Variants in AKAP9 observed in about 807,000 individuals in gnomAD.
AKAP9 encodes A-kinase anchoring protein 9.
Under a neutral mutation model 488.5 loss-of-function variants are expected in AKAP9, and 311 were observed. That is an observed-to-expected ratio of 0.64 (90% CI 0.58 to 0.70). AKAP9 has a LOEUF of 0.70. AKAP9 is among the 30% of genes least tolerant of loss of function. The probability of loss-of-function intolerance (pLI) is 0.00; values close to 1 mark genes in which losing one functional copy is unlikely to be tolerated. For missense variants in AKAP9, 4,215 were observed against 4,374.5 expected, an observed-to-expected ratio of 0.96 and a Z score of 1.03; for synonymous variants, 1,462 against 1,483.5, an observed-to-expected ratio of 0.99 and a Z score of 0.33.
intron 12 of AKAP9, among the ~76,000 whole-genome samples, chr7:92,020,986 G>C (rs1345490741): frequency 6.6e-6 from 1 of 152,068 alleles, no homozygotes; most frequent in African/African-American, 2.4e-5. Flanking sequence ...TGCTTTTAAA[G>C]TCTTCTGTTA....
chr7:92,031,898 A>G (rs1481827551), intron 16 of AKAP9, among the ~76,000 whole-genome samples: 3 of 152,236 alleles, frequency 2.0e-5, no homozygotes, highest in East Asian at 1.9e-4. Flanking sequence ...AAAAGTTGGG[A>G]AGAAGATAGG....
chr7:91,962,857 A>G (rs151135471), intron 1 of AKAP9, among the ~76,000 whole-genome samples: 1 of 152,054 alleles, frequency 6.6e-6, no homozygotes, highest in African/African-American at 2.4e-5. Flanking sequence ...GCAAAGTTTT[A>G]GTTTTTCTCA....
chr7:92,080,881 C>T (rs908579339), intron 31 of AKAP9, among the ~76,000 whole-genome samples: 1 of 152,122 alleles, frequency 6.6e-6, no homozygotes, highest in Non-Finnish European at 1.5e-5. Flanking sequence ...TCCTAAGATA[C>T]GTTTTCAGTT....
chr7:92,026,976 C>G (rs1245484991), intron 14 of AKAP9, among the ~76,000 whole-genome samples: 1 of 145,374 alleles, frequency 6.9e-6, no homozygotes, highest in East Asian at 2.1e-4. Flanking sequence ...CGCCTCTGCC[C>G]GGCCGCCCAT....
At position 92,084,666 on chromosome 7, in the gene AKAP9, T is replaced by C; in HGVS notation, c.8673T>C (p.His2891=). 6.2e-7 allele frequency: 1 copy of C among 1,610,680 alleles called. No individual in the cohort carries two copies. Among genetic ancestry groups the C allele is most frequent in the Non-Finnish European group, 8.5e-7 (1 of 1,177,146 alleles). ...KEGSSIPELA[H]SDAYQTREIC... ...GATCCTCAATTCCTGAGCTAGCACA[T>C]TCTGATGCTTACCAGACTAGAGAAA... Residue 2891 remains histidine (H), a synonymous_variant, in exon 34 of 50, where the codon CAT becomes CAC. Transcript: ENST00000356239.
intron 1 of AKAP9, among the ~76,000 whole-genome samples, chr7:91,949,146 A>G (rs966200715): frequency 2.6e-5 from 4 of 151,704 alleles, no homozygotes; most frequent in Non-Finnish European, 5.9e-5. Flanking sequence ...TATTAATTAT[A>G]TATGTATATA....
At chr7:91,993,150 A>AT (rs1491281365) in intron 5 of AKAP9, 95 bp downstream of exon 5, 167 of 1,346,322 alleles carry the variant, frequency 1.2e-4, no homozygotes, top group Non-Finnish European at 1.5e-4. Flanking sequence ...GGTTTTTAAA[A>AT]TTTTTTTTTA....
intron 1 of AKAP9, 35 bp downstream of exon 1, chr7:91,941,182 G>GAGGCGGTGGC (rs1405409199): frequency 2.5e-6 from 4 of 1,605,504 alleles, no homozygotes; most frequent in Non-Finnish European, 2.6e-6. Context: ...CCTGCGGTGG[G>GAGGCGGTGGC]AGGCGGTGGC....
chr7:92,108,067 TA>T (rs1818819337), intron 48 of AKAP9: 2 of 229,872 alleles, frequency 8.7e-6, no homozygotes, highest in Admixed American at 1.0e-4. Context: ...AGGCTTAATG[TA>T]AAAATGTAAA....
Position 92,102,166 on chromosome 7 carries a change from A to AT in AKAP9, c.11098-428_11098-427insT, listed in dbSNP as rs34819437. ...GTGAGACTCCGTCTCATAAATTTAA[A>AT]AAAAAAATAAATAAATAAATAAATA... On this transcript the variant is annotated intron_variant, in intron 45 of 49. Coordinates refer to ENST00000356239, the MANE Select transcript of AKAP9 (RefSeq NM_005751.5). Among the ~76,000 whole-genome samples the AT allele has an allele frequency of 8.5e-3, 990 of 116,664 alleles. 6 individuals carry two copies. Among genetic ancestry groups the AT allele is most frequent in the South Asian group, 0.021 (87 of 4,070 alleles). 76.5% of individuals were successfully genotyped at this position (116,664 alleles called of 152,430 possible).
chr7:92,017,366 T>A (rs1801663478), intron 12 of AKAP9, among the ~76,000 whole-genome samples: 1 of 152,150 alleles, frequency 6.6e-6, no homozygotes, highest in South Asian at 2.1e-4. Context: ...GTGAAACAAT[T>A]GCATTTAATT....
At position 91,941,169 on chromosome 7, in the gene AKAP9, G is replaced by A. The variant is rs536406787; in HGVS notation, c.48+22G>A. On this transcript the variant is annotated intron_variant, in intron 1 of 49. Transcript: ENST00000356239. ...CAAGGTAGGAGAGCCCGAGGCAACC[G>A]GGCCTGCGGTGGGAGGCGGTGGCTA... 38 of 1,612,552 alleles carry A rather than the reference G, an allele frequency of 2.4e-5. No homozygotes were observed. In the South Asian group the frequency reaches 3.4e-4, roughly 14 times the overall value.
At chr7:91,994,887 A>C (rs1798198725) in intron 6 of AKAP9, 111 bp downstream of exon 6, 8 of 969,518 alleles carry the variant, frequency 8.3e-6, no homozygotes, top group African/African-American at 1.7e-5. Context: ...GTATTATATC[A>C]TGTATGAAAA....
chr7:91,994,676 C>T lies in AKAP9; in HGVS notation c.632C>T (p.Thr211Ile). The T allele has an allele frequency of 6.2e-7, 1 of 1,613,320 alleles. No individual in the cohort carries two copies. Among genetic ancestry groups the T allele is most frequent in the Non-Finnish European group, 8.5e-7 (1 of 1,179,612 alleles). ...AGAGATGGCATTATAACCCAGCTCA[C>T]TGCTAATTTACAACAAGCAAGAAGA... ...KQRDGIITQLTANLQQARREK... is the reference protein window; with the variant it reads ...KQRDGIITQLIANLQQARREK... The change falls in exon 6 of 50, where the codon ACT (threonine) becomes ATT (isoleucine). Residue 211 changes from threonine (T) to isoleucine (I), a missense_variant. Transcript: ENST00000356239.
At chr7:92,099,990 G>A in intron 44 of AKAP9, 121 bp downstream of exon 44, 1 of 919,426 alleles carries the variant, frequency 1.1e-6, no homozygotes, top group East Asian at 2.6e-5. Flanking sequence ...CTTAGGATCT[G>A]TAGAAAATTT....
At chr7:91,953,255 T>C (rs1345743134) in intron 1 of AKAP9, among the ~76,000 whole-genome samples, 1 of 152,168 alleles carries the variant, frequency 6.6e-6, no homozygotes, top group Non-Finnish European at 1.5e-5. Context: ...CTAAGAAAAA[T>C]GTGGTCAAGG....
intron 26 of AKAP9, among the ~76,000 whole-genome samples, chr7:92,068,127 G>A (rs1019370063): frequency 3.3e-5 from 5 of 151,854 alleles, no homozygotes; most frequent in Non-Finnish European, 7.4e-5. Context: ...TTGGGAGGCC[G>A]AGGTGGGCAG....
chr7:91,972,440 CTG>C (rs1031564299), intron 1 of AKAP9, among the ~76,000 whole-genome samples: 1 of 152,066 alleles, frequency 6.6e-6, no homozygotes, highest in African/African-American at 2.4e-5. Context: ...AGTGTAGAAA[CTG>C]TGAGTCAGGG....
intron 14 of AKAP9, among the ~76,000 whole-genome samples, chr7:92,027,064 C>A: frequency 7.0e-6 from 1 of 143,430 alleles, no homozygotes; most frequent in South Asian, 2.3e-4. Flanking sequence ...GCCGCCCCGT[C>A]TGGGAGGTGA....
Sources: gnomAD v4.1 joint callset for allele counts (sites outside exome capture counted in the v4.1 genomes callset) on GRCh38, gnomAD v4.1.1 for gene constraint, MANE v1.5 for transcripts, NCBI Gene and HGNC (gene_info 2026-07-23, HGNC 2026-07-21) for gene names.